PLCL1: variants seen among roughly 807,000 people sequenced by gnomAD.
PLCL1 encodes the protein phospholipase C like 1 (inactive), also known as inactive phospholipase C-like protein 1.
PLCL1 carries 41 observed loss-of-function variants against 84.4 expected under a neutral mutation model. The ratio of observed to expected loss-of-function variants is 0.49; its 90% CI spans 0.38 to 0.63. The LOEUF is 0.63. Among genes scored for constraint, PLCL1 ranks in the 30% least tolerant of loss-of-function variants. The probability of loss-of-function intolerance (pLI) is 0.00; values close to 1 mark genes in which losing one functional copy is unlikely to be tolerated. For synonymous variants in PLCL1, 490 were observed against 488.3 expected (o/e 1.00, Z -0.05); for missense variants, 1,206 against 1,367.8 (o/e 0.88, Z 1.87).
chr2:197,851,209 G>A (rs370146461), intron 1 of PLCL1, among the ~76,000 whole-genome samples: 2 of 152,274 alleles, frequency 1.3e-5, no homozygotes, highest in South Asian at 4.1e-4. Flanking sequence ...AGAGAGCAGC[G>A]GAAAAACTTT....
At chr2:198,122,373 A>G (rs988152861) in intron 5 of PLCL1, among the ~76,000 whole-genome samples, 8 of 152,094 alleles carry the variant, frequency 5.3e-5, no homozygotes, top group African/African-American at 1.9e-4. Flanking sequence ...TTTTCTTAAA[A>G]TCTGGGTAAC....
intron 1 of PLCL1, among the ~76,000 whole-genome samples, chr2:197,904,846 TAAG>T (rs1161183444): frequency 2.6e-5 from 4 of 152,220 alleles, no homozygotes; most frequent in Admixed American, 2.0e-4. Context: ...ATTTCAATCT[TAAG>T]AATAATATTT....
intron 1 of PLCL1, among the ~76,000 whole-genome samples, chr2:198,049,240 G>A (rs1691873299): frequency 6.6e-6 from 1 of 152,202 alleles, no homozygotes; most frequent in Admixed American, 6.5e-5. Flanking sequence ...TTCCTGGAGG[G>A]AAAGGAACAT....
At chr2:198,015,329 A>G (rs994761924) in intron 1 of PLCL1, among the ~76,000 whole-genome samples, 1 of 152,202 alleles carries the variant, frequency 6.6e-6, no homozygotes, top group Non-Finnish European at 1.5e-5. Flanking sequence ...ATAAATATAA[A>G]AAGCAATATA....
chr2:198,143,441 C>G (rs1694436650), intron 5 of PLCL1, among the ~76,000 whole-genome samples: 1 of 152,118 alleles, frequency 6.6e-6, no homozygotes, highest in Admixed American at 6.6e-5. Flanking sequence ...GTTGGGGACA[C>G]CTGCTGTACC....
At chr2:197,819,196 C>T (rs1420813845) in intron 1 of PLCL1, among the ~76,000 whole-genome samples, 2 of 152,040 alleles carry the variant, frequency 1.3e-5, no homozygotes, top group Non-Finnish European at 1.5e-5. Flanking sequence ...CATCCTCCAG[C>T]TTAAGACTAG....
intron 3 of PLCL1, among the ~76,000 whole-genome samples, chr2:198,094,588 C>T (rs115098398): frequency 3.9e-4 from 59 of 152,234 alleles, no homozygotes; most frequent in African/African-American, 1.4e-3. Flanking sequence ...ACAACCAGTT[C>T]CCTAGGGTTA....
chr2:198,068,417 G>T (rs758146240), intron 1 of PLCL1, among the ~76,000 whole-genome samples: 2 of 152,198 alleles, frequency 1.3e-5, no homozygotes, highest in Non-Finnish European at 2.9e-5. Flanking sequence ...TACTAAAGAA[G>T]AAAGTGTAAT....
At chr2:198,016,656 A>T (rs1400142779) in intron 1 of PLCL1, among the ~76,000 whole-genome samples, 1 of 152,160 alleles carries the variant, frequency 6.6e-6, no homozygotes, top group African/African-American at 2.4e-5. Flanking sequence ...ATTGAGACTG[A>T]CACAGGTAAG....
rs1007535903 is a variant in PLCL1, at chr2:197,829,362, C to T, written c.240+24023C>T. On this transcript the variant is annotated intron_variant, in intron 1 of 5. Transcript: ENST00000428675. ...AACTTAGAGAGCTAGCTTTAAGAGCCGTGCCCTATCACCACCTCTCATATT... is the reference window on the plus strand; with the variant it reads ...AACTTAGAGAGCTAGCTTTAAGAGCTGTGCCCTATCACCACCTCTCATATT... 8.5e-5 allele frequency among the ~76,000 whole-genome samples: 13 copies of T among 152,186 alleles called. 1 individual carries two copies. Among genetic ancestry groups the T allele is most frequent in the Admixed American group, 7.8e-4 (12 of 15,292 alleles).
intron 1 of PLCL1, among the ~76,000 whole-genome samples, chr2:198,013,556 A>G (rs1160535792): frequency 6.6e-6 from 1 of 152,080 alleles, no homozygotes; most frequent in African/African-American, 2.4e-5. Flanking sequence ...TTGCTGTTTT[A>G]TTTGACTACA....
At chr2:198,029,815 T>C (rs1271855381) in intron 1 of PLCL1, among the ~76,000 whole-genome samples, 1 of 103,650 alleles carries the variant, frequency 9.6e-6, no homozygotes, top group Admixed American at 1.0e-4. Context: ...ATTCTCCTGC[T>C]TCAGTTTCCT....
intron 1 of PLCL1, among the ~76,000 whole-genome samples, chr2:197,983,190 CTTTTCTTTTCTTTTTTTTTT>C (rs1690149216): frequency 7.6e-5 from 5 of 66,056 alleles, no homozygotes; most frequent in East Asian, 4.6e-4. Flanking sequence ...TTTTCTTTTT[CTTTTCTTTTCTTTTTTTTTT>C]TTTTTTTTTT....
intron 1 of PLCL1, among the ~76,000 whole-genome samples, chr2:197,963,134 T>G (rs779857959): frequency 5.3e-5 from 8 of 152,066 alleles, no homozygotes; most frequent in Non-Finnish European, 1.0e-4. Context: ...TATTTTTAGT[T>G]TTTTGAGGAA....
chr2:198,015,465 G>A (rs934243122), intron 1 of PLCL1, among the ~76,000 whole-genome samples: 9 of 152,128 alleles, frequency 5.9e-5, no homozygotes, highest in African/African-American at 2.2e-4. Flanking sequence ...CCTAGATTTA[G>A]TTGGTTTATA....
In PLCL1 at chr2:198,147,184, G is replaced by T; in HGVS notation, c.*222G>T. 1 of 426,596 alleles carries T rather than the reference G, an allele frequency of 2.3e-6. No homozygotes were observed. Among genetic ancestry groups the T allele is most frequent in the Non-Finnish European group, 4.2e-6 (1 of 237,180 alleles). The allele number at this position is 426,596 out of a possible 1,614,324, so 26.4% of individuals were successfully genotyped here. ...TTCTGAGACATGTGTCAACACCCCT[G>T]TGTGGATGCCTGTGGAAGAGTGTGT... On this transcript the variant is annotated 3_prime_UTR_variant, in exon 6 of 6. Transcript: ENST00000428675.
chr2:198,019,128 T>A (rs965696843), intron 1 of PLCL1, among the ~76,000 whole-genome samples: 1 of 152,138 alleles, frequency 6.6e-6, no homozygotes, highest in Admixed American at 6.5e-5. Context: ...CCAGCAGACC[T>A]GCAGCAAAGG....
intron 4 of PLCL1, among the ~76,000 whole-genome samples, chr2:198,103,394 G>A (rs1219015609): frequency 6.6e-6 from 1 of 151,740 alleles, no homozygotes; most frequent in Non-Finnish European, 1.5e-5. Context: ...TGAAAAATGG[G>A]GTATCCATCC....
chr2:197,933,014 G>A (rs1391924480), intron 1 of PLCL1, among the ~76,000 whole-genome samples: 8 of 152,164 alleles, frequency 5.3e-5, no homozygotes, highest in African/African-American at 1.9e-4. Flanking sequence ...TCTACTCCTA[G>A]AAACAAAGTA....
Sources: gnomAD v4.1 joint callset for allele counts (sites outside exome capture counted in the v4.1 genomes callset) on GRCh38, gnomAD v4.1.1 for gene constraint, MANE v1.5 for transcripts, NCBI Gene and HGNC (gene_info 2026-07-23, HGNC 2026-07-21) for gene names.